Variants in SYK observed in about 807,000 individuals in gnomAD.
SYK encodes spleen associated tyrosine kinase.
A neutral mutation model predicts 77.8 loss-of-function variants in SYK; 16 were observed. The ratio of observed to expected loss-of-function variants is 0.21; its 90% CI spans 0.14 to 0.31. The LOEUF (loss-of-function observed/expected upper bound fraction) is 0.31. Ranked by LOEUF, SYK falls within the 10% of genes least tolerant of loss-of-function variation. The pLI, the probability that SYK is intolerant of heterozygous loss-of-function variation, is 1.00. For missense variants in SYK, 529 were observed against 814.4 expected (o/e 0.65, Z 4.26); for synonymous variants, 312 against 308.7 (o/e 1.01, Z -0.11).
chr9:90,841,585 TGTA>T lies in SYK; in HGVS notation c.-41-2270_-41-2268del, dbSNP rs538091460. Among the ~76,000 whole-genome samples the T allele has an allele frequency of 1.9e-3, 282 of 150,532 alleles. 2 individuals carry two copies. The highest frequency in any genetic ancestry group is 6.8e-3 in the African/African-American group (277 of 40,940). On this transcript the variant is annotated intron_variant, in intron 1 of 13. Transcript: ENST00000375754. ...GTGTGTGTGATGTGTGTAGTGTGCA[TGTA>T]GTTGTGTGGTGTGTTTCGTGTGTGT...
chr9:90,843,729 A>G, intron 1 of SYK, 129 bp from the exon 2 acceptor site: 1 of 611,936 alleles, frequency 1.6e-6, no homozygotes, highest in South Asian at 3.7e-5. Flanking sequence ...TGGGAGGGCC[A>G]AAGAGGGAAG....
intron 13 of SYK, 83 bp downstream of exon 13, chr9:90,888,710 G>T (rs1486601239): frequency 1.8e-6 from 2 of 1,082,308 alleles, no homozygotes; most frequent in Admixed American, 3.1e-5. Context: ...AAAGGATAAA[G>T]TTCACCTTTT....
intron 1 of SYK, among the ~76,000 whole-genome samples, chr9:90,803,903 T>G (rs540437735): frequency 2.0e-5 from 3 of 152,122 alleles, no homozygotes; most frequent in Non-Finnish European, 4.4e-5. Context: ...TTTCTGTACT[T>G]TTACATTTAA....
At position 90,891,220 on chromosome 9, in the gene SYK, AC is replaced by A. The variant is rs1264306416; in HGVS notation, c.1835+2594del. Reference sequence around the variant, plus strand: ...GAGTGCAGTGGCGCGATCTGGGCTCACTGCAAGCTCTGTCTCCCGGGTTCAC... The same window carrying A: ...GAGTGCAGTGGCGCGATCTGGGCTCATGCAAGCTCTGTCTCCCGGGTTCAC... On this transcript the variant is annotated intron_variant, in intron 13 of 13. Transcript: ENST00000375754. Among the ~76,000 whole-genome samples the A allele has an allele frequency of 6.8e-3, 959 of 140,716 alleles. 2 individuals carry two copies. The highest frequency in any genetic ancestry group is 0.013 in the South Asian group (59 of 4,576). The allele number at this position is 140,716 out of a possible 152,430, so 92.3% of individuals were successfully genotyped here. A position where few individuals can be genotyped will look rare whatever the true frequency, so the allele number is the denominator to read the frequency against.
chr9:90,834,141 C>A (rs1476288098), intron 1 of SYK, among the ~76,000 whole-genome samples: 1 of 151,024 alleles, frequency 6.6e-6, no homozygotes, highest in Non-Finnish European at 1.5e-5. Context: ...TGACTTTCCA[C>A]CATCTTCAGG....
intron 1 of SYK, among the ~76,000 whole-genome samples, chr9:90,827,046 C>T (rs1187199406): frequency 6.6e-6 from 1 of 151,942 alleles, no homozygotes; most frequent in East Asian, 1.9e-4. Context: ...CTATTTGGTT[C>T]AATCTTCTGG....
At chr9:90,830,195 G>A (rs1825827755) in intron 1 of SYK, among the ~76,000 whole-genome samples, 1 of 152,218 alleles carries the variant, frequency 6.6e-6, no homozygotes, top group African/African-American at 2.4e-5. Flanking sequence ...ACAATGTAAG[G>A]CTGTGCCTTG....
chr9:90,877,874 C>T, intron 10 of SYK, 94 bp downstream of exon 10: 12 of 1,277,160 alleles, frequency 9.4e-6, no homozygotes, highest in Non-Finnish European at 1.1e-5. Flanking sequence ...CCTTGGGAAG[C>T]CTTCCCACCC....
intron 8 of SYK, 87 bp downstream of exon 8, chr9:90,874,378 C>T (rs951084978): frequency 1.9e-5 from 26 of 1,348,896 alleles, no homozygotes; most frequent in Middle Eastern, 1.8e-4. Flanking sequence ...CGAATCCACA[C>T]CACGTCCGTG....
In SYK at chr9:90,858,491, G is replaced by A. The variant is rs545236579; in HGVS notation, c.579-3715G>A. ...CCTGAGGCCAGATGACCCTGAAGGC[G>A]GAAGGCAGCAAGCCAGACAGGAGCC... On this transcript the variant is annotated intron_variant, in intron 3 of 13. Coordinates refer to ENST00000375754, the MANE Select transcript of SYK (RefSeq NM_003177.7). 5.4e-4 allele frequency among the ~76,000 whole-genome samples: 83 copies of A among 152,364 alleles called. No homozygotes were observed. The South Asian group carries it at 0.016, about 29-fold the overall frequency.
chr9:90,891,249 C>T (rs1168701678), intron 13 of SYK, among the ~76,000 whole-genome samples: 2 of 151,034 alleles, frequency 1.3e-5, no homozygotes, highest in Non-Finnish European at 2.9e-5. Flanking sequence ...GGGTTCACAC[C>T]ATACTCCTGC....
At chr9:90,875,240 A>AAATAAATAAATAAATAAAT (rs1564113162) in intron 9 of SYK, among the ~76,000 whole-genome samples, 2 of 150,978 alleles carry the variant, frequency 1.3e-5, no homozygotes, top group African/African-American at 4.9e-5. Context: ...CTCTACAAAA[A>AAATAAATAAATAAATAAAT]AAATAAATAA....
At chr9:90,892,697 G>C (rs1564129092) in intron 13 of SYK, among the ~76,000 whole-genome samples, 2 of 152,166 alleles carry the variant, frequency 1.3e-5, no homozygotes, top group Non-Finnish European at 2.9e-5. Flanking sequence ...GTCATGCTTG[G>C]GGTGATTAAA....
At chr9:90,816,615 A>G (rs1474343480) in intron 1 of SYK, among the ~76,000 whole-genome samples, 5 of 152,246 alleles carry the variant, frequency 3.3e-5, no homozygotes, top group Non-Finnish European at 7.3e-5. Context: ...CAAGCCAATT[A>G]ACATACCCAT....
intron 1 of SYK, among the ~76,000 whole-genome samples, chr9:90,834,523 G>A (rs1298487502): frequency 1.3e-5 from 2 of 152,172 alleles, no homozygotes; most frequent in East Asian, 3.8e-4. Flanking sequence ...CTGGCCCAGT[G>A]GAACCACCTC....
intron 1 of SYK, among the ~76,000 whole-genome samples, chr9:90,827,079 T>G (rs561188690): frequency 6.6e-6 from 1 of 152,240 alleles, no homozygotes; most frequent in South Asian, 2.1e-4. Flanking sequence ...CATGTTATGA[T>G]GTAGGACTTT....
chr9:90,890,278 A>G (rs561495891), intron 13 of SYK, among the ~76,000 whole-genome samples: 85 of 152,282 alleles, frequency 5.6e-4, no homozygotes, highest in African/African-American at 1.8e-3. Context: ...TTGTGACTCA[A>G]GGAATCAGGA....
intron 1 of SYK, among the ~76,000 whole-genome samples, chr9:90,835,628 A>G (rs1826048272): frequency 6.6e-6 from 1 of 152,184 alleles, no homozygotes. Flanking sequence ...GGGGAATCAG[A>G]TAAGAAAGTG....
intron 1 of SYK, among the ~76,000 whole-genome samples, chr9:90,821,315 G>T (rs1351577046): frequency 6.6e-6 from 1 of 152,106 alleles, no homozygotes; most frequent in Non-Finnish European, 1.5e-5. Flanking sequence ...TACTGTATTT[G>T]TTTATTTTCA....
Sources: gnomAD v4.1 joint callset for allele counts (sites outside exome capture counted in the v4.1 genomes callset) on GRCh38, gnomAD v4.1.1 for gene constraint, MANE v1.5 for transcripts, NCBI Gene and HGNC (gene_info 2026-07-23, HGNC 2026-07-21) for gene names.